The following HOATZ variants were observed in gnomAD, a reference collection of about 807,000 sequenced individuals.
HOATZ encodes cilia- and flagella-associated protein HOATZ.
Under a neutral mutation model 24.9 loss-of-function variants are expected in HOATZ, and 26 were observed. That is an observed-to-expected ratio of 1.04 (90% CI 0.76 to 1.45). HOATZ has a LOEUF of 1.45. Among genes scored for constraint, HOATZ ranks in the 40% most tolerant of loss-of-function variants. HOATZ has a pLI of 0.00. For synonymous variants in HOATZ, 83 were observed against 76.6 expected (o/e 1.08, Z -0.43); for missense variants, 226 against 201.5 (o/e 1.12, Z -0.74).
chr11:111,519,853 A>C (rs1364720882), intron 3 of HOATZ, among the ~76,000 whole-genome samples: 1 of 151,854 alleles, frequency 6.6e-6, no homozygotes, highest in Non-Finnish European at 1.5e-5. Flanking sequence ...AAAATCTAAA[A>C]ATTAATTTCT....
At position 111,527,309 on chromosome 11, in the gene HOATZ, A is replaced by C. The variant is rs144222202; in HGVS notation, c.340-6437A>C. 4.6e-3 allele frequency among the ~76,000 whole-genome samples: 698 copies of C among 152,338 alleles called. 6 individuals are homozygous for C. The highest frequency in any genetic ancestry group is 0.016 in the African/African-American group (645 of 41,574). ...CATACTTGATTGAAATCTGCATTTA[A>C]GAAAAATTGTATTGACTCCCTCTTA... is the stretch of plus-strand genomic sequence containing the variant. On this transcript the variant is annotated intron_variant, in intron 3 of 5. Transcript: ENST00000375618.
Position 111,520,038 on chromosome 11 carries a change from A to T in HOATZ, c.339+3928A>T, listed in dbSNP as rs12280373. 2.0e-5 allele frequency among the ~76,000 whole-genome samples: 3 copies of T among 152,178 alleles called. No individual in the cohort carries two copies. The East Asian group carries it at 5.8e-4, about 29-fold the overall frequency. On this transcript the variant is annotated intron_variant, in intron 3 of 5. Coordinates refer to ENST00000375618, the MANE Select transcript of HOATZ (RefSeq NM_001100388.2). ...ATCACAATTGCTATTTCTGTGATGGATATCCATGGCAGGAAATCAAAAACA... is the reference window on the plus strand; with the variant it reads ...ATCACAATTGCTATTTCTGTGATGGTTATCCATGGCAGGAAATCAAAAACA...
Position 111,519,319 on chromosome 11 carries a change from T to A in HOATZ, c.339+3209T>A, listed in dbSNP as rs569878382. ...AGTAAATCTTTGTTTATTGAATAAATAAATGCATAATTAAATGAATTAAAG... is the reference window on the plus strand; with the variant it reads ...AGTAAATCTTTGTTTATTGAATAAAAAAATGCATAATTAAATGAATTAAAG... On this transcript the variant is annotated intron_variant, in intron 3 of 5. Coordinates refer to ENST00000375618, the MANE Select transcript of HOATZ (RefSeq NM_001100388.2). 7 of 173,726 alleles carry A rather than the reference T, an allele frequency of 4.0e-5. No individual in the cohort carries two copies. In the South Asian group the frequency reaches 9.7e-4, roughly 24 times the overall value. The allele number at this position is 173,726 out of a possible 1,614,324, so 10.8% of individuals were successfully genotyped here. A position where few individuals can be genotyped will look rare whatever the true frequency, so the allele number is the denominator to read the frequency against.
Position 111,514,932 on chromosome 11 carries a change from A to T in HOATZ, c.148A>T (p.Ser50Cys). ...FWISASMYPP[S>C]ESQLVLRRDS... Reference sequence around the variant, plus strand: ...GATCTCGGCGTCGATGTATCCCCCTAGCGAATCTCAGCTGGTGCTGCGCAG... The same window carrying T: ...GATCTCGGCGTCGATGTATCCCCCTTGCGAATCTCAGCTGGTGCTGCGCAG... The change falls in exon 1 of 6, where the codon AGC (serine) becomes TGC (cysteine). Residue 50 changes from serine (S) to cysteine (C), a missense_variant. Coordinates refer to ENST00000375618, the MANE Select transcript of HOATZ (RefSeq NM_001100388.2). 1 of 1,613,970 alleles carries T rather than the reference A, an allele frequency of 6.2e-7. No individual in the cohort carries two copies. The highest frequency in any genetic ancestry group is 1.1e-5 in the South Asian group (1 of 91,080).
chr11:111,531,113 G>A (rs1462288556), intron 3 of HOATZ, among the ~76,000 whole-genome samples: 1 of 152,148 alleles, frequency 6.6e-6, no homozygotes, highest in Admixed American at 6.5e-5. Context: ...AGAAGCACAG[G>A]ACAATATAAC....
intron 3 of HOATZ, among the ~76,000 whole-genome samples, chr11:111,523,702 G>C (rs1039809092): frequency 1.3e-5 from 2 of 152,176 alleles, no homozygotes; most frequent in African/African-American, 4.8e-5. Flanking sequence ...TGAACCACTT[G>C]TAGTTCCAAG....
chr11:111,523,000 G>C (rs1401426072), intron 3 of HOATZ, among the ~76,000 whole-genome samples: 1 of 152,080 alleles, frequency 6.6e-6, no homozygotes, highest in African/African-American at 2.4e-5. Flanking sequence ...TAGGAGAATC[G>C]CTTGAGCCTG....
At chr11:111,519,946 C>T (rs890693937) in intron 3 of HOATZ, among the ~76,000 whole-genome samples, 2 of 152,124 alleles carry the variant, frequency 1.3e-5, no homozygotes, top group Admixed American at 1.3e-4. Context: ...TATTATTCTC[C>T]ATTTTGGAAT....
chr11:111,521,221 G>A (rs1011540818), intron 3 of HOATZ, among the ~76,000 whole-genome samples: 1 of 151,700 alleles, frequency 6.6e-6, no homozygotes, highest in Admixed American at 6.6e-5. Context: ...ATTGAAATGC[G>A]GTCTGTATTC....
intron 1 of HOATZ, 99 bp from the exon 2 acceptor site, chr11:111,515,412 G>T: frequency 1.0e-6 from 1 of 968,366 alleles, no homozygotes; most frequent in Non-Finnish European, 1.7e-6. Context: ...CCTAGGATGT[G>T]GAAACTGTTA....
intron 3 of HOATZ, among the ~76,000 whole-genome samples, chr11:111,523,849 A>G (rs1867299957): frequency 6.6e-6 from 1 of 152,014 alleles, no homozygotes; most frequent in Non-Finnish European, 1.5e-5. Flanking sequence ...GCCTTTTCTC[A>G]CCCTCACATA....
At chr11:111,519,252 G>T in intron 3 of HOATZ, 1 of 205,444 alleles carries the variant, frequency 4.9e-6, no homozygotes, top group Non-Finnish European at 1.0e-5. Flanking sequence ...CAGGGGTCAT[G>T]TTTTATTTGC....
Position 111,537,010 on chromosome 11 carries a change from A to G in HOATZ, c.*183A>G. 1.8e-6 allele frequency: 1 copy of G among 560,090 alleles called. No homozygotes were observed. The highest frequency in any genetic ancestry group is 3.2e-6 in the Non-Finnish European group (1 of 313,404). The allele number at this position is 560,090 out of a possible 1,614,324, so 34.7% of individuals were successfully genotyped here. ...TACTTGTGTTAAAATAAAGAAATAA[A>G]GGTTAAATATGCAGGCTTCTATGAA... On this transcript the variant is annotated 3_prime_UTR_variant, in exon 6 of 6. Transcript: ENST00000375618.
intron 3 of HOATZ, among the ~76,000 whole-genome samples, chr11:111,532,298 C>T (rs181750038): frequency 8.8e-4 from 134 of 151,974 alleles, no homozygotes; most frequent in African/African-American, 3.1e-3. Context: ...GGTTGAAATA[C>T]GCCCCCCCAC....
intron 2 of HOATZ, 46 bp from the exon 3 acceptor site, chr11:111,515,994 T>G: frequency 2.4e-6 from 3 of 1,264,458 alleles, no homozygotes; most frequent in Non-Finnish European, 3.4e-6. Context: ...TAGTATAAAA[T>G]CATAATAAAA....
At chr11:111,521,356 C>T (rs2135775455) in intron 3 of HOATZ, among the ~76,000 whole-genome samples, 1 of 152,230 alleles carries the variant, frequency 6.6e-6, no homozygotes, top group Non-Finnish European at 1.5e-5. Context: ...GAAAGGGATA[C>T]TTTGAATCAT....
At chr11:111,531,743 C>T (rs1867395563) in intron 3 of HOATZ, among the ~76,000 whole-genome samples, 2 of 152,094 alleles carry the variant, frequency 1.3e-5, no homozygotes, top group South Asian at 4.1e-4. Flanking sequence ...ACTTTGTAGG[C>T]TTATAAAAGG....
intron 4 of HOATZ, 70 bp from the exon 5 acceptor site, chr11:111,534,342 A>G (rs1867425285): frequency 9.0e-7 from 1 of 1,115,400 alleles, no homozygotes; most frequent in African/African-American, 1.6e-5. Flanking sequence ...CTTTTTTTCA[A>G]ATGAGTAAAT....
chr11:111,524,757 T>G, intron 3 of HOATZ: 1 of 376,072 alleles, frequency 2.7e-6, no homozygotes, highest in South Asian at 2.1e-5. Context: ...TTGACTTTCT[T>G]GGCCAGGTCA....
Sources: allele counts gnomAD v4.1 joint callset (sites outside exome capture counted in the v4.1 genomes callset), GRCh38; gene constraint gnomAD v4.1.1; transcripts MANE v1.5; gene names NCBI Gene and HGNC (gene_info 2026-07-23, HGNC 2026-07-21).